Variants in ZCWPW2 observed in about 807,000 individuals in gnomAD.
ZCWPW2 encodes the protein zinc finger CW-type and PWWP domain containing 2, also known as zinc finger CW-type PWWP domain protein 2.
In ZCWPW2, 45 loss-of-function variants were observed where a neutral mutation model predicts 46.6. The observed-to-expected ratio is 0.96, with a 90% CI of 0.76 to 1.24. The LOEUF is 1.24. ZCWPW2 is among the 50% of genes most tolerant of loss of function. The pLI is 0.00. For missense variants in ZCWPW2, 429 were observed against 403.9 expected (o/e 1.06, Z -0.53); for synonymous variants, 152 against 137.1 (o/e 1.11, Z -0.76).
rs1190444019 is a variant in ZCWPW2 at position 28,452,542 on chromosome 3, C to T, written c.492+17273C>T. Among the ~76,000 whole-genome samples the T allele has an allele frequency of 2.6e-5, 4 of 152,202 alleles. No individual in the cohort carries two copies. In the East Asian group the frequency reaches 7.7e-4, roughly 29 times the overall value. ...AACTCCTGACCTTGTGATCCACCCACCTCAGCCTCCCAAAGTGCTGGGATT... is the reference window on the plus strand; with the variant it reads ...AACTCCTGACCTTGTGATCCACCCATCTCAGCCTCCCAAAGTGCTGGGATT... On this transcript the variant is annotated intron_variant, in intron 4 of 9. Transcript: ENST00000383768.
intron 6 of ZCWPW2, among the ~76,000 whole-genome samples, chr3:28,512,099 T>C (rs904112559): frequency 1.3e-5 from 2 of 152,156 alleles, no homozygotes; most frequent in Admixed American, 6.6e-5. Context: ...TGTTTTGATA[T>C]GGTGTCTATT....
intron 1 of ZCWPW2, among the ~76,000 whole-genome samples, chr3:28,365,783 G>A (rs1705101350): frequency 7.1e-6 from 1 of 141,112 alleles, no homozygotes; most frequent in Non-Finnish European, 1.6e-5. Flanking sequence ...CCATGAGCAT[G>A]GAATGTTCTT....
Position 28,361,574 on chromosome 3 carries a change from AAAC to A in ZCWPW2, c.-134+12376_-134+12378del, listed in dbSNP as rs549033597. 7.9e-5 allele frequency among the ~76,000 whole-genome samples: 12 copies of A among 152,270 alleles called. No homozygotes were observed. In the South Asian group the frequency reaches 2.5e-3, roughly 32 times the overall value. On this transcript the variant is annotated intron_variant, in intron 1 of 9. Coordinates refer to ENST00000383768, the MANE Select transcript of ZCWPW2 (RefSeq NM_001040432.4). Reference sequence around the variant, plus strand: ...CTAAAAAGTATCTTCACAGCAAAAGAAACAACAGAGTGAAAAGGAAACCTATAG... The same window carrying A: ...CTAAAAAGTATCTTCACAGCAAAAGAAACAGAGTGAAAAGGAAACCTATAG...
intron 4 of ZCWPW2, among the ~76,000 whole-genome samples, chr3:28,475,077 C>T (rs1438861954): frequency 9.9e-5 from 15 of 152,036 alleles, no homozygotes; most frequent in Non-Finnish European, 1.5e-5. Flanking sequence ...CTCCTGAGCT[C>T]AGGCAACCTG....
At chr3:28,453,211 AG>A (rs1698292015) in intron 4 of ZCWPW2, among the ~76,000 whole-genome samples, 1 of 152,216 alleles carries the variant, frequency 6.6e-6, no homozygotes, top group African/African-American at 2.4e-5. Context: ...GAATGAAACC[AG>A]TTTCTTTCCC....
At chr3:28,413,664 A>T (rs1057305050) in intron 3 of ZCWPW2, among the ~76,000 whole-genome samples, 5 of 152,028 alleles carry the variant, frequency 3.3e-5, no homozygotes, top group African/African-American at 1.2e-4. Flanking sequence ...TCCTCCTACA[A>T]ATTTTGATAT....
chr3:28,463,010 G>A (rs189836992), intron 4 of ZCWPW2, among the ~76,000 whole-genome samples: 2 of 152,300 alleles, frequency 1.3e-5, no homozygotes, highest in African/African-American at 4.8e-5. Flanking sequence ...TTTGGACACA[G>A]CTAGGGATTT....
At chr3:28,471,699 C>A (rs1468111675) in intron 4 of ZCWPW2, among the ~76,000 whole-genome samples, 1 of 152,012 alleles carries the variant, frequency 6.6e-6, no homozygotes, top group Non-Finnish European at 1.5e-5. Flanking sequence ...ACAAGGATGC[C>A]CATTGTTATT....
rs1432077080 is a variant in ZCWPW2, at chr3:28,493,161, T to TA, written c.657+989dup. On this transcript the variant is annotated intron_variant, in intron 6 of 9. Coordinates refer to ENST00000383768, the MANE Select transcript of ZCWPW2 (RefSeq NM_001040432.4). ...TTATTTTTTTTAATGTTTTTTTTTTTATTATACTTTAAGTTTTAGGGTACA... is the reference window on the plus strand; with the variant it reads ...TTATTTTTTTTAATGTTTTTTTTTTTAATTATACTTTAAGTTTTAGGGTACA... Among the ~76,000 whole-genome samples the TA allele has an allele frequency of 3.6e-5, 5 of 139,822 alleles. No individual in the cohort carries two copies. The East Asian group carries it at 6.7e-4, about 19-fold the overall frequency. The allele number at this position is 139,822 out of a possible 152,430, so 91.7% of individuals were successfully genotyped here.
chr3:28,472,941 A>C (rs1173802682), intron 4 of ZCWPW2, among the ~76,000 whole-genome samples: 3 of 152,216 alleles, frequency 2.0e-5, no homozygotes, highest in Non-Finnish European at 4.4e-5. Flanking sequence ...GACATTTCTC[A>C]AAAGAAGACA....
At chr3:28,407,304 A>G (rs1452700776) in intron 2 of ZCWPW2, among the ~76,000 whole-genome samples, 1 of 152,194 alleles carries the variant, frequency 6.6e-6, no homozygotes, top group Non-Finnish European at 1.5e-5. Context: ...ATCACACTGT[A>G]TTACATTTAT....
At chr3:28,509,566 A>G (rs912476068) in intron 6 of ZCWPW2, among the ~76,000 whole-genome samples, 2 of 152,032 alleles carry the variant, frequency 1.3e-5, no homozygotes, top group Non-Finnish European at 2.9e-5. Context: ...CTTGATTTTC[A>G]TTTCTCTAAT....
At chr3:28,509,080 A>G (rs1410822023) in intron 6 of ZCWPW2, among the ~76,000 whole-genome samples, 1 of 152,038 alleles carries the variant, frequency 6.6e-6, no homozygotes, top group African/African-American at 2.4e-5. Context: ...CTGCTTCTAT[A>G]GATTTGCCTT....
chr3:28,489,668 GCACACACACACA>G (rs1209352772), intron 5 of ZCWPW2, among the ~76,000 whole-genome samples: 71 of 39,586 alleles, frequency 1.8e-3, no homozygotes, highest in Middle Eastern at 0.013. Flanking sequence ...ACACACGCGC[GCACACACACACA>G]CACACACACA....
At chr3:28,362,878 G>A (rs1378566085) in intron 1 of ZCWPW2, among the ~76,000 whole-genome samples, 1 of 152,142 alleles carries the variant, frequency 6.6e-6, no homozygotes, top group African/African-American at 2.4e-5. Context: ...ATACTTTGCA[G>A]TCATAAAAAA....
At chr3:28,451,012 TG>T (rs919275231) in intron 4 of ZCWPW2, among the ~76,000 whole-genome samples, 1 of 152,178 alleles carries the variant, frequency 6.6e-6, no homozygotes, top group African/African-American at 2.4e-5. Flanking sequence ...GAATATCACT[TG>T]TTTGAGCACT....
Position 28,515,538 on chromosome 3 carries a change from C to T in ZCWPW2, c.717-16C>T. The T allele has an allele frequency of 6.3e-7, 1 of 1,580,028 alleles. No homozygotes were observed. Among genetic ancestry groups the T allele is most frequent in the Non-Finnish European group, 8.7e-7 (1 of 1,153,326 alleles). On this transcript the variant is annotated splice_polypyrimidine_tract_variant and intron_variant, in intron 7 of 9. Coordinates refer to ENST00000383768, the MANE Select transcript of ZCWPW2 (RefSeq NM_001040432.4). ...ATTGATCTTTTGAAACTAAATCTGT[C>T]AAATTCTTTTTCTAGGAAAGCAATT...
chr3:28,376,541 C>T (rs1705505098), intron 1 of ZCWPW2, among the ~76,000 whole-genome samples: 1 of 152,098 alleles, frequency 6.6e-6, no homozygotes. Flanking sequence ...CTATGTCTGG[C>T]AGATTGTGGG....
At chr3:28,435,380 T>C (rs1021420218) in intron 4 of ZCWPW2, 111 bp downstream of exon 4, 16 of 915,094 alleles carry the variant, frequency 1.7e-5, no homozygotes, top group Non-Finnish European at 2.1e-5. Context: ...TGATATAATG[T>C]ATGCTGTTTA....
Sources: gnomAD v4.1 joint callset for allele counts (sites outside exome capture counted in the v4.1 genomes callset) on GRCh38, gnomAD v4.1.1 for gene constraint, MANE v1.5 for transcripts, NCBI Gene and HGNC (gene_info 2026-07-23, HGNC 2026-07-21) for gene names.